The following ABTB3 variants were observed in gnomAD, a reference collection of about 807,000 sequenced individuals.
ABTB3 encodes the protein ankyrin repeat and BTB domain containing 3, also known as ankyrin repeat- and BTB/POZ domain-containing protein 3.
chr12:107,404,162 C>CAAAAAAAAAAAAAAAAAAAAAAAAA, the ABTB3 span, among the ~76,000 whole-genome samples: 1 of 40,254 alleles, frequency 2.5e-5, no homozygotes, highest in Non-Finnish European at 4.4e-5. Flanking sequence ...GACTCTAACT[C>CAAAAAAAAAAAAAAAAAAAAAAAAA]AAAAAAAAAA....
the ABTB3 span, among the ~76,000 whole-genome samples, chr12:107,563,831 G>T: frequency 1.3e-5 from 2 of 152,302 alleles, no homozygotes; most frequent in South Asian, 2.1e-4. Flanking sequence ...CTGGTCATTT[G>T]CTGTGACCAC....
the ABTB3 span, among the ~76,000 whole-genome samples, chr12:107,564,940 C>T: frequency 6.6e-6 from 1 of 152,166 alleles, no homozygotes; most frequent in Non-Finnish European, 1.5e-5. Flanking sequence ...GAGTCCATAC[C>T]CAGGAAAAAT....
chr12:107,498,169 A>G, the ABTB3 span, among the ~76,000 whole-genome samples: 1 of 152,252 alleles, frequency 6.6e-6, no homozygotes, highest in East Asian at 1.9e-4. Context: ...GAAGAAAGTT[A>G]GGAGAAATGG....
At chr12:107,618,368 C>T in the ABTB3 span, 1 of 1,612,290 alleles carries the variant, frequency 6.2e-7, no homozygotes, top group African/African-American at 1.3e-5. Flanking sequence ...CAATTGATAT[C>T]AGGAGCATAG....
chr12:107,590,827 A>C, the ABTB3 span, among the ~76,000 whole-genome samples: 1 of 152,178 alleles, frequency 6.6e-6, no homozygotes, highest in South Asian at 2.1e-4. Flanking sequence ...CCTGGGAAAC[A>C]GGGATTTATT....
the ABTB3 span, among the ~76,000 whole-genome samples, chr12:107,328,377 A>T: frequency 6.6e-6 from 1 of 152,228 alleles, no homozygotes; most frequent in East Asian, 1.9e-4. Context: ...ATATGCACTT[A>T]ATAACTGTTA....
the ABTB3 span, among the ~76,000 whole-genome samples, chr12:107,462,291 C>A: frequency 6.6e-6 from 1 of 152,272 alleles, no homozygotes; most frequent in South Asian, 2.1e-4. Context: ...GCTGTAATTT[C>A]TCTTATATCC....
At chr12:107,385,124 G>A in the ABTB3 span, among the ~76,000 whole-genome samples, 3 of 152,136 alleles carry the variant, frequency 2.0e-5, no homozygotes, top group East Asian at 1.9e-4. Flanking sequence ...TTCTTTCCTC[G>A]AAGGCAGCCA....
At chr12:107,455,128 A>G in the ABTB3 span, among the ~76,000 whole-genome samples, 1 of 152,256 alleles carries the variant, frequency 6.6e-6, no homozygotes. Flanking sequence ...GTGGGGTCAG[A>G]GAGCCCAAGC....
At chr12:107,326,835 G>T in the ABTB3 span, among the ~76,000 whole-genome samples, 1 of 152,350 alleles carries the variant, frequency 6.6e-6, no homozygotes, top group African/African-American at 2.4e-5. Flanking sequence ...GCAGTCACTG[G>T]TCCTCAGTAG....
chr12:107,340,386 A>G, the ABTB3 span, among the ~76,000 whole-genome samples: 472 of 152,324 alleles, frequency 3.1e-3, 3 homozygotes, highest in African/African-American at 9.0e-3. Flanking sequence ...AAATGCATAC[A>G]CACTCACACT....
chr12:107,581,202 C>T, the ABTB3 span: 2 of 1,536,118 alleles, frequency 1.3e-6, no homozygotes, highest in East Asian at 2.5e-5. Context: ...GTGGCCGTGG[C>T]GCACGCCGGC....
the ABTB3 span, among the ~76,000 whole-genome samples, chr12:107,535,309 C>T: frequency 6.6e-6 from 1 of 152,024 alleles, no homozygotes; most frequent in Admixed American, 6.6e-5. Flanking sequence ...TATGACACAC[C>T]CACAGCTAAC....
chr12:107,552,965 C>T, the ABTB3 span, among the ~76,000 whole-genome samples: 2 of 152,190 alleles, frequency 1.3e-5, no homozygotes, highest in African/African-American at 2.4e-5. Context: ...TTCCTGCTTC[C>T]AGCCCAGAGA....
the ABTB3 span, among the ~76,000 whole-genome samples, chr12:107,607,892 CCTCAGCTACTGAGGAGT>C: frequency 6.6e-6 from 1 of 152,168 alleles, no homozygotes; most frequent in Non-Finnish European, 1.5e-5. Flanking sequence ...GTCGTTCACT[CCTCAGCTACTGAGGAGT>C]CTCAGCGCCA....
the ABTB3 span, among the ~76,000 whole-genome samples, chr12:107,583,553 C>T: frequency 1.3e-5 from 2 of 152,122 alleles, no homozygotes; most frequent in African/African-American, 4.8e-5. Context: ...CTAGACAAGC[C>T]CTCTCAGAGG....
the ABTB3 span, among the ~76,000 whole-genome samples, chr12:107,436,956 C>T: frequency 2.6e-5 from 4 of 152,084 alleles, no homozygotes; most frequent in South Asian, 2.1e-4. Flanking sequence ...CTGCATCCCC[C>T]CCCGCCGCAC....
chr12:107,340,026 A>G, the ABTB3 span, among the ~76,000 whole-genome samples: 1 of 151,148 alleles, frequency 6.6e-6, no homozygotes, highest in Non-Finnish European at 1.5e-5. Flanking sequence ...TTATATCCTC[A>G]GGAATTCTTC....
At chr12:107,476,997 G>A in the ABTB3 span, among the ~76,000 whole-genome samples, 1 of 152,172 alleles carries the variant, frequency 6.6e-6, no homozygotes, top group Admixed American at 6.5e-5. Context: ...GCTGGTGGAA[G>A]GGTGTCCAGC....
Sources: gnomAD v4.1 joint callset for allele counts (sites outside exome capture counted in the v4.1 genomes callset) on GRCh38, gnomAD v4.1.1 for gene constraint, MANE v1.5 for transcripts, NCBI Gene and HGNC (gene_info 2026-07-23, HGNC 2026-07-21) for gene names.